ARL15: variants seen among roughly 807,000 people sequenced by gnomAD.
ARL15 encodes ARF like GTPase 15.
ARL15 carries 19 observed loss-of-function variants against 25.2 expected under a neutral mutation model. The ratio of observed to expected loss-of-function variants is 0.75; its 90% CI spans 0.53 to 1.10. ARL15 has a LOEUF of 1.10. Among genes scored for constraint, ARL15 ranks in the 50% least tolerant of loss-of-function variants. The pLI is 0.00. For synonymous variants in ARL15, 94 were observed against 86.8 expected (o/e 1.08, Z -0.46); for missense variants, 220 against 246.0 (o/e 0.89, Z 0.71).
intron 4 of ARL15, among the ~76,000 whole-genome samples, chr5:53,977,762 A>G (rs1747987714): frequency 6.6e-6 from 1 of 152,188 alleles, no homozygotes; most frequent in Admixed American, 6.5e-5. Context: ...TCTGAGAACA[A>G]TGAATTCAAG....
chr5:54,040,608 T>C (rs529304500), intron 4 of ARL15, among the ~76,000 whole-genome samples: 2 of 152,296 alleles, frequency 1.3e-5, no homozygotes, highest in South Asian at 4.1e-4. Context: ...ATTATGTTTT[T>C]TAAATCCTCA....
intron 4 of ARL15, among the ~76,000 whole-genome samples, chr5:54,046,523 A>G (rs1433430941): frequency 6.6e-6 from 1 of 152,206 alleles, no homozygotes; most frequent in Non-Finnish European, 1.5e-5. Flanking sequence ...AAATAAAAAT[A>G]GAATGAAAGT....
chr5:54,228,805 C>G (rs1272642384), intron 1 of ARL15, among the ~76,000 whole-genome samples: 1 of 152,124 alleles, frequency 6.6e-6, no homozygotes, highest in Non-Finnish European at 1.5e-5. Context: ...TCTAAGAATT[C>G]TTTACTTAAG....
chr5:54,096,233 T>C (rs772261585), intron 4 of ARL15, among the ~76,000 whole-genome samples: 3 of 152,176 alleles, frequency 2.0e-5, no homozygotes, highest in Non-Finnish European at 4.4e-5. Context: ...CAGTGGCTTT[T>C]ACCATAATAT....
intron 4 of ARL15, among the ~76,000 whole-genome samples, chr5:53,914,611 C>T (rs1337680368): frequency 6.6e-6 from 1 of 152,184 alleles, no homozygotes; most frequent in South Asian, 2.1e-4. Context: ...GACCTCAAGG[C>T]TCAGAGAGCT....
Position 54,310,499 on chromosome 5 carries a change from G to T in ARL15, c.-20C>A, listed in dbSNP as rs1448440004. The T allele has an allele frequency of 6.3e-7, 1 of 1,596,286 alleles. No individual in the cohort carries two copies. Among genetic ancestry groups the T allele is most frequent in the South Asian group, 1.1e-5 (1 of 87,850 alleles). On this transcript the variant is annotated 5_prime_UTR_variant, in exon 1 of 5. Coordinates refer to ENST00000504924, the MANE Select transcript of ARL15 (RefSeq NM_019087.3). ...AGACATCCGGCAGCCTAAAGCATCCGGAACGGCTCCGAACCCGGAAAAAAA... is the reference window on the plus strand; with the variant it reads ...AGACATCCGGCAGCCTAAAGCATCCTGAACGGCTCCGAACCCGGAAAAAAA...
At chr5:54,071,404 G>A (rs546795233) in intron 4 of ARL15, among the ~76,000 whole-genome samples, 1 of 151,024 alleles carries the variant, frequency 6.6e-6, no homozygotes, top group South Asian at 2.1e-4. Flanking sequence ...ACTCCCATAA[G>A]ATTTCAAAGT....
intron 1 of ARL15, among the ~76,000 whole-genome samples, chr5:54,195,072 A>G (rs943938790): frequency 3.9e-5 from 6 of 152,136 alleles, no homozygotes; most frequent in Non-Finnish European, 8.8e-5. Context: ...CCAACAGGCA[A>G]TATCATTCTT....
chr5:54,280,972 T>A (rs1193346045), intron 1 of ARL15, among the ~76,000 whole-genome samples: 2 of 148,950 alleles, frequency 1.3e-5, no homozygotes, highest in Non-Finnish European at 3.0e-5. Flanking sequence ...CACAGGCTGG[T>A]GGAAAAAAAA....
At chr5:54,119,268 T>C (rs558897149) in intron 3 of ARL15, among the ~76,000 whole-genome samples, 1 of 152,260 alleles carries the variant, frequency 6.6e-6, no homozygotes, top group South Asian at 2.1e-4. Flanking sequence ...TGCTGTTCTT[T>C]TGGAAATGGG....
chr5:54,001,683 C>G (rs1477591874), intron 4 of ARL15, among the ~76,000 whole-genome samples: 1 of 152,166 alleles, frequency 6.6e-6, no homozygotes, highest in Non-Finnish European at 1.5e-5. Flanking sequence ...TCTTAGATCC[C>G]TAAAGATGGC....
chr5:53,952,590 A>C (rs1339843788), intron 4 of ARL15, among the ~76,000 whole-genome samples: 3 of 152,170 alleles, frequency 2.0e-5, no homozygotes, highest in African/African-American at 7.2e-5. Context: ...AATTGGCTCA[A>C]AGTTAGTAGC....
chr5:54,058,097 C>T lies in ARL15; in HGVS notation c.462+55105G>A, dbSNP rs935467416. On this transcript the variant is annotated intron_variant, in intron 4 of 4. Transcript: ENST00000504924. ...CTCGGCTCACTGCAACCTCCGCCTC[C>T]GAGGTTCAAGTGATTCCCCTGCCTC... 2.0e-5 allele frequency among the ~76,000 whole-genome samples: 3 copies of T among 151,828 alleles called. No homozygotes were observed. In the South Asian group the frequency reaches 6.2e-4, roughly 32 times the overall value.
At chr5:54,223,278 G>A (rs941105060) in intron 1 of ARL15, among the ~76,000 whole-genome samples, 3 of 151,532 alleles carry the variant, frequency 2.0e-5, no homozygotes, top group Admixed American at 6.6e-5. Context: ...TGTCCAAAAC[G>A]GCTTGGTTAA....
chr5:54,218,728 C>A (rs188806671), intron 1 of ARL15, among the ~76,000 whole-genome samples: 169 of 152,188 alleles, frequency 1.1e-3, no homozygotes, highest in East Asian at 8.5e-3. Flanking sequence ...CAGGAAGAGC[C>A]ATTGCACACC....
chr5:54,055,839 T>C (rs533381413), intron 4 of ARL15, among the ~76,000 whole-genome samples: 1 of 152,120 alleles, frequency 6.6e-6, no homozygotes, highest in Non-Finnish European at 1.5e-5. Context: ...ATTATTACAC[T>C]TGTCACATTG....
intron 1 of ARL15, among the ~76,000 whole-genome samples, chr5:54,280,479 T>G (rs1457776173): frequency 6.6e-6 from 1 of 152,214 alleles, no homozygotes; most frequent in African/African-American, 2.4e-5. Flanking sequence ...CAGAAAATTA[T>G]TCTCACTATA....
chr5:54,011,589 T>C (rs1302713736), intron 4 of ARL15, among the ~76,000 whole-genome samples: 1 of 152,090 alleles, frequency 6.6e-6, no homozygotes, highest in Non-Finnish European at 1.5e-5. Context: ...CCCAGAACAT[T>C]TAACCTAAAA....
chr5:54,143,741 A>C (rs1441408045), intron 3 of ARL15, among the ~76,000 whole-genome samples: 1 of 152,030 alleles, frequency 6.6e-6, no homozygotes, highest in Non-Finnish European at 1.5e-5. Context: ...GTTATGGAAA[A>C]AAATTCATGC....
Sources: allele counts gnomAD v4.1 joint callset (sites outside exome capture counted in the v4.1 genomes callset), GRCh38; gene constraint gnomAD v4.1.1; transcripts MANE v1.5; gene names NCBI Gene and HGNC (gene_info 2026-07-23, HGNC 2026-07-21).